The following HHIP variants were observed in gnomAD, a reference collection of about 807,000 sequenced individuals.
HHIP encodes hedgehog-interacting protein.
Under a neutral mutation model 74.0 loss-of-function variants are expected in HHIP, and 12 were observed. The ratio of observed to expected loss-of-function variants is 0.16; its 90% CI spans 0.10 to 0.26. The LOEUF (loss-of-function observed/expected upper bound fraction) is 0.26. HHIP is among the 10% of genes least tolerant of loss of function. The pLI is 1.00. For missense variants in HHIP, 788 were observed against 845.0 expected (o/e 0.93, Z 0.84); for synonymous variants, 309 against 311.6 (o/e 0.99, Z 0.09).
In HHIP at chr4:144,646,743, C is replaced by T. The variant is rs1225130267; in HGVS notation, c.68C>T (p.Ala23Val). 2 of 1,613,978 alleles carry T rather than the reference C, an allele frequency of 1.2e-6. No individual in the cohort carries two copies. The highest frequency in any genetic ancestry group is 1.7e-5 in the Admixed American group (1 of 60,002). Residue 23 changes from alanine to valine, a missense_variant, in exon 1 of 13, where the codon GCT (alanine) becomes GTT (valine). By Grantham distance (64) the Ala-to-Val change is moderately conservative. Transcript: ENST00000296575. ...AVALGFFEGD[A>V]KFGERNEGSG... Reference sequence around the variant, plus strand: ...GCTCTGGGCTTCTTTGAAGGAGATGCTAAGTTTGGGGAAAGAAACGAAGGG... The same window carrying T: ...GCTCTGGGCTTCTTTGAAGGAGATGTTAAGTTTGGGGAAAGAAACGAAGGG...
intron 1 of HHIP, chr4:144,648,671 A>G (rs752498871): frequency 4.6e-5 from 7 of 152,210 alleles, no homozygotes; most frequent in Non-Finnish European, 8.8e-5. Flanking sequence ...AATACGTACT[A>G]TGAATATACT....
intron 2 of HHIP, chr4:144,655,103 T>C (rs567418758): frequency 2.0e-5 from 3 of 152,316 alleles, no homozygotes; most frequent in East Asian, 3.9e-4. Flanking sequence ...CTTTAGAATA[T>C]TCATATACCT....
At chr4:144,662,930 A>G (rs550356891) in intron 4 of HHIP, among the ~76,000 whole-genome samples, 1 of 152,284 alleles carries the variant, frequency 6.6e-6, no homozygotes, top group African/African-American at 2.4e-5. Context: ...TGATAGACTA[A>G]TGCCTCTAAT....
intron 11 of HHIP, among the ~76,000 whole-genome samples, chr4:144,719,762 T>C (rs1730576850): frequency 6.6e-6 from 1 of 152,214 alleles, no homozygotes; most frequent in Admixed American, 6.5e-5. Context: ...TGTTGAGCAC[T>C]AGGACTTGTT....
At chr4:144,731,216 A>G (rs538155243) in intron 11 of HHIP, among the ~76,000 whole-genome samples, 2 of 152,254 alleles carry the variant, frequency 1.3e-5, no homozygotes, top group African/African-American at 4.8e-5. Context: ...TAGAAGGGGC[A>G]CAAACACCCT....
chr4:144,673,363 T>C (rs1729092164), intron 4 of HHIP, among the ~76,000 whole-genome samples: 1 of 152,206 alleles, frequency 6.6e-6, no homozygotes, highest in Non-Finnish European at 1.5e-5. Flanking sequence ...ATTAGCAACA[T>C]AGGATATTTC....
At chr4:144,663,551 C>T (rs905944845) in intron 4 of HHIP, among the ~76,000 whole-genome samples, 1 of 152,088 alleles carries the variant, frequency 6.6e-6, no homozygotes, top group Non-Finnish European at 1.5e-5. Flanking sequence ...TGTCATTTGC[C>T]CTGTACCTTT....
chr4:144,663,902 TGCCAAGAATGTGAAAGTCA>T (rs1728784866), intron 4 of HHIP, among the ~76,000 whole-genome samples: 1 of 152,220 alleles, frequency 6.6e-6, no homozygotes, highest in African/African-American at 2.4e-5. Flanking sequence ...TGCCCCTGAC[TGCCAAGAATGTGAAAGTCA>T]GCCTTAGCTT....
rs1303495533 is a variant in HHIP at position 144,740,993 on chromosome 4, C to A, written c.*3036C>A. On this transcript the variant is annotated 3_prime_UTR_variant, in exon 13 of 13. Coordinates refer to ENST00000296575, the MANE Select transcript of HHIP (RefSeq NM_022475.3). ...GGTTCATAGAACCTTGTTTTCTTGA[C>A]AGTTATTTAAGGTAATAAAAGGAAC... is the stretch of plus-strand genomic sequence containing the variant. 6.6e-6 allele frequency: 1 copy of A among 152,020 alleles called. No homozygotes were observed. The highest frequency in any genetic ancestry group is 1.5e-5 in the Non-Finnish European group (1 of 68,008). The allele number at this position is 152,020 out of a possible 1,614,324, so 9.4% of individuals were successfully genotyped here.
intron 10 of HHIP, among the ~76,000 whole-genome samples, chr4:144,718,119 A>G (rs1241818530): frequency 6.6e-6 from 1 of 152,234 alleles, no homozygotes; most frequent in Non-Finnish European, 1.5e-5. Context: ...TTTAAAAAAT[A>G]CGGTACATAA....
intron 4 of HHIP, among the ~76,000 whole-genome samples, chr4:144,664,301 G>C (rs1356698108): frequency 4.6e-5 from 7 of 152,240 alleles, no homozygotes; most frequent in African/African-American, 1.7e-4. Flanking sequence ...CCCTGTGCCG[G>C]AAGTCACAGC....
At chr4:144,647,207 G>C (rs1560690503) in intron 1 of HHIP, 1 of 440,512 alleles carries the variant, frequency 2.3e-6, no homozygotes, top group Non-Finnish European at 4.0e-6. Flanking sequence ...ACGTTTCTGC[G>C]GTACCCGCAC....
intron 4 of HHIP, 103 bp downstream of exon 4, chr4:144,659,941 C>T: frequency 1.2e-6 from 1 of 852,446 alleles, no homozygotes; most frequent in Non-Finnish European, 1.9e-6. Flanking sequence ...AAGAAAGAAT[C>T]TTGCAGGAGA....
intron 10 of HHIP, among the ~76,000 whole-genome samples, chr4:144,717,490 G>C (rs776334824): frequency 3.3e-5 from 5 of 152,092 alleles, no homozygotes; most frequent in Non-Finnish European, 7.4e-5. Context: ...GAGAAATATA[G>C]ACTAAAGGAT....
rs1490191774 is a variant in HHIP, at chr4:144,743,595, A to G, written c.*5638A>G. ...TGGGGTTTTCTTTTTGCATATATAG[A>G]TTATGTATTACTTAAATCCAAAATA... On this transcript the variant is annotated 3_prime_UTR_variant, in exon 13 of 13. Transcript: ENST00000296575. 1 of 151,888 alleles carries G rather than the reference A, an allele frequency of 6.6e-6. No individual in the cohort carries two copies. The highest frequency in any genetic ancestry group is 1.5e-5 in the Non-Finnish European group (1 of 67,930). The allele number at this position is 151,888 out of a possible 1,614,324, so 9.4% of individuals were successfully genotyped here. A position where few individuals can be genotyped will look rare whatever the true frequency, so the allele number is the denominator to read the frequency against.
At chr4:144,678,377 G>A (rs191065259) in intron 4 of HHIP, among the ~76,000 whole-genome samples, 2 of 152,082 alleles carry the variant, frequency 1.3e-5, no homozygotes, top group East Asian at 3.9e-4. Flanking sequence ...ATTAACTTTG[G>A]TAAAGAAGTA....
intron 4 of HHIP, among the ~76,000 whole-genome samples, chr4:144,694,965 CTAA>C (rs1329115626): frequency 6.6e-6 from 1 of 151,660 alleles, no homozygotes; most frequent in African/African-American, 2.4e-5. Context: ...AAGATTATCA[CTAA>C]TAAAATATGA....
chr4:144,738,136 T>C lies in HHIP; in HGVS notation c.*179T>C, dbSNP rs572319303. On this transcript the variant is annotated 3_prime_UTR_variant, in exon 13 of 13. Coordinates refer to ENST00000296575, the MANE Select transcript of HHIP (RefSeq NM_022475.3). ...GTGTATGTCAGCATGTTTGTTCACA[T>C]ATGCACATACACATACTCATAACCC... is the stretch of plus-strand genomic sequence containing the variant. The C allele has an allele frequency of 1.8e-5, 23 of 1,294,922 alleles. No individual in the cohort carries two copies. The South Asian group carries it at 3.5e-4, about 20-fold the overall frequency. The allele number at this position is 1,294,922 out of a possible 1,614,324, so 80.2% of individuals were successfully genotyped here. A position where few individuals can be genotyped will look rare whatever the true frequency, so the allele number is the denominator to read the frequency against.
chr4:144,706,734 C>A (rs1206570218), intron 5 of HHIP, 52 bp downstream of exon 5: 9 of 1,508,700 alleles, frequency 6.0e-6, no homozygotes, highest in African/African-American at 1.4e-5. Flanking sequence ...ATTTTCTCAT[C>A]ATCTTTTCAT....
Sources: gnomAD v4.1 joint callset for allele counts (sites outside exome capture counted in the v4.1 genomes callset) on GRCh38, gnomAD v4.1.1 for gene constraint, MANE v1.5 for transcripts, NCBI Gene and HGNC (gene_info 2026-07-23, HGNC 2026-07-21) for gene names.